ADH1C: variants seen among roughly 807,000 people sequenced by gnomAD.
The protein encoded by ADH1C is alcohol dehydrogenase 1C (class I), gamma polypeptide, also known as alcohol dehydrogenase 1C.
Under a neutral mutation model 35.0 loss-of-function variants are expected in ADH1C, and 26 were observed. The observed-to-expected ratio is 0.74, with a 90% CI of 0.54 to 1.03. The LOEUF is 1.03. ADH1C is among the 50% of genes least tolerant of loss of function. The probability of loss-of-function intolerance (pLI) is 0.00; values close to 1 mark genes in which losing one functional copy is unlikely to be tolerated. For missense variants in ADH1C, 413 were observed against 465.4 expected (o/e 0.89, Z 1.04); for synonymous variants, 170 against 169.3 (o/e 1.00, Z -0.03).
chr4:99,352,406 C>A (rs1734697892), intron 1 of ADH1C, among the ~76,000 whole-genome samples: 1 of 152,038 alleles, frequency 6.6e-6, no homozygotes, highest in Admixed American at 6.6e-5. Context: ...GATACAGATT[C>A]TATATATTCT....
chr4:99,342,198 A>G (rs2110656058), intron 6 of ADH1C, among the ~76,000 whole-genome samples: 1 of 152,272 alleles, frequency 6.6e-6, no homozygotes, highest in East Asian at 1.9e-4. Flanking sequence ...AAATCTGTTG[A>G]CTTTATTTAA....
At chr4:99,339,520 C>CTG (rs1560535840) in intron 8 of ADH1C, 57 bp downstream of exon 8, 13 of 925,338 alleles carry the variant, frequency 1.4e-5, no homozygotes, top group Admixed American at 3.4e-5. Flanking sequence ...ACGCCCCCCC[C>CTG]CCCCCCGCCG....
chr4:99,336,677 T>G lies in ADH1C; in HGVS notation c.*75A>C. 1 of 1,534,386 alleles carries G rather than the reference T, an allele frequency of 6.5e-7. No individual in the cohort carries two copies. The highest frequency in any genetic ancestry group is 1.1e-5 in the South Asian group (1 of 89,186). On this transcript the variant is annotated 3_prime_UTR_variant, in exon 9 of 9. Coordinates refer to ENST00000515683, the MANE Select transcript of ADH1C (RefSeq NM_000669.5). ...CTCTGAAGAGCAGAATTAATGATAT[T>G]TCCTAGCTGTTGCTCCAGATCATGT...
chr4:99,347,612 GACA>G, intron 2 of ADH1C, 130 bp downstream of exon 2: 1 of 981,856 alleles, frequency 1.0e-6, no homozygotes, highest in Non-Finnish European at 1.4e-6. Context: ...TACTTTCCTT[GACA>G]ACAAATGTAA....
At chr4:99,342,497 ATATT>A (rs1734438523) in intron 6 of ADH1C, among the ~76,000 whole-genome samples, 1 of 152,214 alleles carries the variant, frequency 6.6e-6, no homozygotes, top group African/African-American at 2.4e-5. Flanking sequence ...TTATTTATAT[ATATT>A]TAAGTTTGCA....
intron 2 of ADH1C, among the ~76,000 whole-genome samples, 152 bp downstream of exon 2, chr4:99,347,593 A>G (rs1031667748): frequency 7.9e-6 from 1 of 126,650 alleles, no homozygotes; most frequent in African/African-American, 2.6e-5. Flanking sequence ...AAAAAAATTT[A>G]ACAATTTATA....
Position 99,340,680 on chromosome 4 carries a change from A to T in ADH1C, c.859T>A (p.Cys287Ser), listed in dbSNP as rs1688508741. Residue 287 changes from cysteine (C) to serine (S), a missense_variant, in exon 7 of 9, where the codon TGT becomes AGT. Coordinates refer to ENST00000515683, the MANE Select transcript of ADH1C (RefSeq NM_000669.5). ...MASLLCCHEA[C>S]GTSVIVGVPP... ...ACCCCTACAATGACACTTGTGCCAC[A>T]TGCCTCATGACAACATAACAGGGAA... is the stretch of plus-strand genomic sequence containing the variant. The T allele has an allele frequency of 6.2e-7, 1 of 1,612,962 alleles. No homozygotes were observed. Among genetic ancestry groups the T allele is most frequent in the Non-Finnish European group, 8.5e-7 (1 of 1,180,030 alleles).
At chr4:99,339,431 CAA>C in intron 8 of ADH1C, 144 bp downstream of exon 8, 1 of 714,708 alleles carries the variant, frequency 1.4e-6, no homozygotes, top group Middle Eastern at 4.2e-4. Flanking sequence ...GTGCTCCATG[CAA>C]AGATTGAACT....
At chr4:99,346,807 A>G (rs1734539507) in intron 3 of ADH1C, among the ~76,000 whole-genome samples, 199 bp downstream of exon 3, 1 of 152,140 alleles carries the variant, frequency 6.6e-6, no homozygotes, top group Non-Finnish European at 1.5e-5. Flanking sequence ...GTTGAAGGGT[A>G]GAATACACGC....
chr4:99,343,188 GT>G, intron 5 of ADH1C, 133 bp from the exon 6 acceptor site: 3 of 1,332,070 alleles, frequency 2.3e-6, no homozygotes, highest in Non-Finnish European at 3.1e-6. Context: ...ATCGAAACCT[GT>G]TTTGGCTTGA....
At chr4:99,351,357 T>G (rs990979678) in intron 1 of ADH1C, among the ~76,000 whole-genome samples, 2 of 152,160 alleles carry the variant, frequency 1.3e-5, no homozygotes, top group African/African-American at 4.8e-5. Context: ...AATTTAGGAT[T>G]GAGGAAAATA....
intron 6 of ADH1C, among the ~76,000 whole-genome samples, chr4:99,342,226 A>G (rs904095): frequency 0.31 from 47,458 of 151,926 alleles, 8,848 homozygotes; most frequent in Non-Finnish European, 0.41. Flanking sequence ...AGTCCAAGTA[A>G]TACTGGGTAC....
At chr4:99,341,974 T>C (rs1254178532) in intron 6 of ADH1C, among the ~76,000 whole-genome samples, 2 of 149,482 alleles carry the variant, frequency 1.3e-5, no homozygotes, top group Non-Finnish European at 3.0e-5. Context: ...ATCATATCAC[T>C]GCACTCCAGC....
intron 6 of ADH1C, among the ~76,000 whole-genome samples, chr4:99,341,049 T>A (rs1734404143): frequency 1.3e-5 from 2 of 152,226 alleles, no homozygotes; most frequent in South Asian, 2.1e-4. Flanking sequence ...GTGAGTTGGT[T>A]CCTTTTTCAT....
At chr4:99,350,336 A>T (rs1370130378) in intron 1 of ADH1C, among the ~76,000 whole-genome samples, 2 of 152,076 alleles carry the variant, frequency 1.3e-5, no homozygotes, top group Non-Finnish European at 2.9e-5. Flanking sequence ...TAAGTTCTTT[A>T]GTGGTGGTTT....
Position 99,348,117 on chromosome 4 carries a change from A to ATTTTT in ADH1C, c.19-276_19-272dup, listed in dbSNP as rs916369490. 3.2e-4 allele frequency among the ~76,000 whole-genome samples: 49 copies of ATTTTT among 151,892 alleles called. 1 individual carries two copies. In the South Asian group the frequency reaches 7.1e-3, roughly 22 times the overall value. The stretch of plus-strand genomic sequence containing the variant: ...AGGTTATTCTTTTTTATTTTATTTT[A>ATTTTT]TTTTTTTTGAATGTTTTTTTAATTA... On this transcript the variant is annotated intron_variant, in intron 1 of 8. Transcript: ENST00000515683.
At chr4:99,342,742 T>C (rs905256847) in intron 6 of ADH1C, 53 bp downstream of exon 6, 9 of 1,611,630 alleles carry the variant, frequency 5.6e-6, no homozygotes, top group African/African-American at 2.7e-5. Flanking sequence ...ACTGCCTAAA[T>C]GCATCCTCCA....
At chr4:99,337,624 T>C (rs1478221022) in intron 8 of ADH1C, among the ~76,000 whole-genome samples, 4 of 151,984 alleles carry the variant, frequency 2.6e-5, no homozygotes, top group Non-Finnish European at 4.4e-5. Flanking sequence ...TATACACAGA[T>C]AAGAAAAATA....
At chr4:99,347,903 T>C in intron 1 of ADH1C, 57 bp from the exon 2 acceptor site, 17 of 1,596,592 alleles carry the variant, frequency 1.1e-5, no homozygotes, top group Non-Finnish European at 1.5e-5. Flanking sequence ...CAGTCAGAAA[T>C]TGTGTCTTTT....
Sources: gnomAD v4.1 joint callset for allele counts (sites outside exome capture counted in the v4.1 genomes callset) on GRCh38, gnomAD v4.1.1 for gene constraint, MANE v1.5 for transcripts, NCBI Gene and HGNC (gene_info 2026-07-23, HGNC 2026-07-21) for gene names.